CTTNBP2: variants seen among roughly 807,000 people sequenced by gnomAD.
CTTNBP2 encodes cortactin-binding protein 2.
A neutral mutation model predicts 156.9 loss-of-function variants in CTTNBP2; 108 were observed. That is an observed-to-expected ratio of 0.69 (90% CI 0.59 to 0.81). The LOEUF (loss-of-function observed/expected upper bound fraction) is 0.81. CTTNBP2 is among the 30% of genes least tolerant of loss of function. The probability of loss-of-function intolerance (pLI) is 0.00; values close to 1 mark genes in which losing one functional copy is unlikely to be tolerated. For synonymous variants in CTTNBP2, 767 were observed against 751.8 expected, an observed-to-expected ratio of 1.02 and a Z score of -0.33; for missense variants, 1,924 against 2,035.4, an observed-to-expected ratio of 0.95 and a Z score of 1.05.
At chr7:117,819,938 C>T (rs560053278) in intron 2 of CTTNBP2, among the ~76,000 whole-genome samples, 1 of 152,196 alleles carries the variant, frequency 6.6e-6, no homozygotes, top group African/African-American at 2.4e-5. Flanking sequence ...AATTTTCTCT[C>T]AAAGTGTAGA....
At chr7:117,773,502 T>C (rs917646102) in intron 8 of CTTNBP2, among the ~76,000 whole-genome samples, 8 of 152,088 alleles carry the variant, frequency 5.3e-5, no homozygotes, top group African/African-American at 1.9e-4. Context: ...GATGAATGTC[T>C]GGAGGACAAG....
chr7:117,730,128 T>C (rs905434524), intron 16 of CTTNBP2, among the ~76,000 whole-genome samples: 13 of 152,152 alleles, frequency 8.5e-5, no homozygotes, highest in African/African-American at 3.1e-4. Context: ...TCCCTGAGTT[T>C]TCCACATGCC....
Position 117,766,943 on chromosome 7 carries a change from AG to A in CTTNBP2, c.2896+115del, listed in dbSNP as rs1037777855. 29 of 685,418 alleles carry A rather than the reference AG, an allele frequency of 4.2e-5. No individual in the cohort carries two copies. In the African/African-American group the frequency reaches 4.7e-4, roughly 11 times the overall value. 42.5% of individuals were successfully genotyped at this position (685,418 alleles called of 1,614,324 possible). A position where few individuals can be genotyped will look rare whatever the true frequency, so the allele number is the denominator to read the frequency against. ...TACAGTCAGTATTTTTGCCATAGCT[AG>A]GGCTCCAAAAAGGTTAAAAAGGACA... On this transcript the variant is annotated intron_variant, in intron 9 of 22. Coordinates refer to ENST00000160373, the MANE Select transcript of CTTNBP2 (RefSeq NM_033427.3).
At position 117,752,233 on chromosome 7, in the gene CTTNBP2, A is replaced by G. The variant is rs142377669; in HGVS notation, c.3348+4322T>C. ...GAAGTGAATGAAAAACAGGTAGAAG[A>G]AACTCAAGGATCCCATCCTGGACAT... On this transcript the variant is annotated intron_variant, in intron 12 of 22. Coordinates refer to ENST00000160373, the MANE Select transcript of CTTNBP2 (RefSeq NM_033427.3). 4.9e-4 allele frequency among the ~76,000 whole-genome samples: 75 copies of G among 152,302 alleles called. No homozygotes were observed. In the East Asian group the frequency reaches 0.014, roughly 28 times the overall value.
At chr7:117,721,207 T>G (rs1794770647) in intron 19 of CTTNBP2, 77 bp from the exon 20 acceptor site, 1 of 903,586 alleles carries the variant, frequency 1.1e-6, no homozygotes, top group Admixed American at 1.9e-5. Context: ...AGAAACAGAC[T>G]GTGGACTTTG....
chr7:117,812,413 AC>A (rs966027940), intron 2 of CTTNBP2, among the ~76,000 whole-genome samples: 1 of 152,078 alleles, frequency 6.6e-6, no homozygotes, highest in Admixed American at 6.6e-5. Context: ...TTTAAAGGGA[AC>A]TGAATTGGAA....
chr7:117,836,261 T>C (rs1020310377), intron 2 of CTTNBP2, among the ~76,000 whole-genome samples: 14 of 152,198 alleles, frequency 9.2e-5, no homozygotes, highest in African/African-American at 3.1e-4. Flanking sequence ...CCCACTTTTC[T>C]TTTTATAAAA....
intron 22 of CTTNBP2, among the ~76,000 whole-genome samples, chr7:117,716,286 CAG>C (rs1357472444): frequency 6.6e-6 from 1 of 151,524 alleles, no homozygotes; most frequent in African/African-American, 2.4e-5. Flanking sequence ...GGTCATGTGA[CAG>C]AGAAATAGGG....
At chr7:117,856,679 C>T (rs1803341483) in intron 2 of CTTNBP2, among the ~76,000 whole-genome samples, 1 of 152,164 alleles carries the variant, frequency 6.6e-6, no homozygotes, top group Non-Finnish European at 1.5e-5. Flanking sequence ...TGGTCAATCT[C>T]ATTTATCCAA....
chr7:117,824,196 T>C lies in CTTNBP2; in HGVS notation c.190-13207A>G, dbSNP rs536240525. On this transcript the variant is annotated intron_variant, in intron 2 of 22. Coordinates refer to ENST00000160373, the MANE Select transcript of CTTNBP2 (RefSeq NM_033427.3). ...AACTTTCTGGTTTTTTTTTTTACCT[T>C]ATTAAGCCAATTCTTTTTCTTACCT... 7.2e-5 allele frequency among the ~76,000 whole-genome samples: 11 copies of C among 152,130 alleles called. No homozygotes were observed. The East Asian group carries it at 2.1e-3, about 29-fold the overall frequency.
intron 3 of CTTNBP2, among the ~76,000 whole-genome samples, chr7:117,802,308 A>G (rs1193198617): frequency 6.6e-6 from 1 of 151,890 alleles, no homozygotes; most frequent in Non-Finnish European, 1.5e-5. Context: ...GAAGAGCAAA[A>G]CTGGACCCAC....
At chr7:117,818,041 T>C (rs1800725031) in intron 2 of CTTNBP2, among the ~76,000 whole-genome samples, 1 of 152,172 alleles carries the variant, frequency 6.6e-6, no homozygotes, top group Non-Finnish European at 1.5e-5. Context: ...TACAACACTT[T>C]TTAAATCAGA....
At chr7:117,724,833 T>C in intron 18 of CTTNBP2, 101 bp from the exon 19 acceptor site, 1 of 1,357,630 alleles carries the variant, frequency 7.4e-7, no homozygotes, top group Admixed American at 2.4e-5. Context: ...AATAATGCAT[T>C]TATTTAGTAT....
intron 2 of CTTNBP2, among the ~76,000 whole-genome samples, chr7:117,825,073 TA>T (rs2117046984): frequency 1.3e-5 from 2 of 152,326 alleles, no homozygotes; most frequent in South Asian, 2.1e-4. Context: ...TGGTTGCCAT[TA>T]AAATGCTTAA....
chr7:117,824,406 A>G (rs1254511883), intron 2 of CTTNBP2, among the ~76,000 whole-genome samples: 11 of 152,024 alleles, frequency 7.2e-5, no homozygotes, highest in African/African-American at 2.2e-4. Flanking sequence ...ACATACACGA[A>G]TCTTCATTTC....
chr7:117,777,491 C>T lies in CTTNBP2; in HGVS notation c.2778+20G>A, dbSNP rs1798167328. The T allele has an allele frequency of 6.2e-7, 1 of 1,606,382 alleles. No homozygotes were observed. The highest frequency in any genetic ancestry group is 1.1e-5 in the South Asian group (1 of 90,484). ...ATCAAATTACAGCTGCATGATGAGG[C>T]CAGCTGCTACCAGACACACCTTAAA... is the stretch of plus-strand genomic sequence containing the variant. On this transcript the variant is annotated intron_variant, in intron 8 of 22. Transcript: ENST00000160373.
intron 12 of CTTNBP2, chr7:117,755,237 C>T (rs1391174295): frequency 5.0e-6 from 1 of 199,200 alleles, no homozygotes; most frequent in African/African-American, 2.4e-5. Flanking sequence ...TGTTTCTCTG[C>T]TACTGTGGCT....
At chr7:117,864,020 G>A (rs1349153830) in intron 1 of CTTNBP2, among the ~76,000 whole-genome samples, 1 of 152,064 alleles carries the variant, frequency 6.6e-6, no homozygotes. Flanking sequence ...TTTCTCCAAA[G>A]CTTTATAAGC....
At chr7:117,847,909 C>T (rs1441773008) in intron 2 of CTTNBP2, among the ~76,000 whole-genome samples, 1 of 147,356 alleles carries the variant, frequency 6.8e-6, no homozygotes, top group Non-Finnish European at 1.5e-5. Context: ...ATCTCCGCCT[C>T]CCAGGTTCAA....
Sources: gnomAD v4.1 joint callset for allele counts (sites outside exome capture counted in the v4.1 genomes callset) on GRCh38, gnomAD v4.1.1 for gene constraint, MANE v1.5 for transcripts, NCBI Gene and HGNC (gene_info 2026-07-23, HGNC 2026-07-21) for gene names.